The following TPPP2 variants were observed in gnomAD, a reference collection of about 807,000 sequenced individuals.
TPPP2 encodes tubulin polymerization-promoting protein family member 2.
In TPPP2, 8 loss-of-function variants were observed where a neutral mutation model predicts 13.0. That is an observed-to-expected ratio of 0.62 (90% CI 0.36 to 1.11). The LOEUF is 1.11. TPPP2 is among the 50% of genes most tolerant of loss of function. The pLI is 0.02. For missense variants in TPPP2, 213 were observed against 216.9 expected (o/e 0.98, Z 0.11); for synonymous variants, 81 against 81.8 (o/e 0.99, Z 0.05).
downstream of TPPP2, chr14:21,035,973 G>C (rs1217708685): frequency 1.0e-5 from 4 of 388,324 alleles, no homozygotes; most frequent in Non-Finnish European, 2.0e-5. Flanking sequence ...ATCTGTTTAC[G>C]AAACCACTGA....
At chr14:21,031,851 T>C (rs752251134) in intron 3 of TPPP2, 41 bp from the exon 4 acceptor site, 1 of 1,595,784 alleles carries the variant, frequency 6.3e-7, no homozygotes, top group East Asian at 2.2e-5. Flanking sequence ...TATGACAGCG[T>C]AAGGAAAGGA....
downstream of TPPP2, chr14:21,036,336 A>G (rs978343712): frequency 2.3e-6 from 1 of 443,144 alleles, no homozygotes; most frequent in South Asian, 1.6e-5. Flanking sequence ...CTCATAGGGT[A>G]GGGGTGCCCA....
intron 3 of TPPP2, 93 bp from the exon 4 acceptor site, chr14:21,031,799 A>G (rs1253308818): frequency 7.1e-7 from 1 of 1,406,156 alleles, no homozygotes; most frequent in Non-Finnish European, 9.6e-7. Context: ...AAGAGCTCCA[A>G]GCACTTGTTC....
rs1884307953 is a variant in TPPP2 at position 21,032,692 on chromosome 14, C to T, written c.*615C>T. On this transcript the variant is annotated 3_prime_UTR_variant, in exon 4 of 4. Transcript: ENST00000321760. ...CACCTCCATCATGGGGCACATGGGA[C>T]AGAAGAGCTTACTGACTGCTAAGGG... is the stretch of plus-strand genomic sequence containing the variant. 2 of 354,008 alleles carry T rather than the reference C, an allele frequency of 5.6e-6. No individual in the cohort carries two copies. The highest frequency in any genetic ancestry group is 1.1e-5 in the Non-Finnish European group (2 of 182,678). 21.9% of individuals were successfully genotyped at this position (354,008 alleles called of 1,614,324 possible).
upstream of TPPP2, chr14:21,025,319 G>A: frequency 1.0e-6 from 1 of 970,274 alleles, no homozygotes; most frequent in Non-Finnish European, 1.2e-6. This position sits in a 1 kb window ranked among gnomAD's most constrained non-coding sequence, Gnocchi z 5.1. Flanking sequence ...GCATTGGGGC[G>A]GTGTGGGGAG....
At position 21,031,130 on chromosome 14, in the gene TPPP2, A is replaced by G. The variant is rs1315949260; in HGVS notation, c.292A>G (p.Met98Val). Residue 98 changes from methionine (M) to valine (V), a missense_variant, in exon 3 of 4, where the codon ATG becomes GTG. Met to Val is a conservative substitution (Grantham distance 21, BLOSUM62 1). Coordinates refer to ENST00000321760, the MANE Select transcript of TPPP2 (RefSeq NM_173846.5). ...DEVLENIYGL[M>V]EGKDPATTGA... Reference sequence around the variant, plus strand: ...AGTCCTGGAGAACATTTATGGACTCATGGAGGGCAAAGACCCAGCCACCAC... The same window carrying G: ...AGTCCTGGAGAACATTTATGGACTCGTGGAGGGCAAAGACCCAGCCACCAC... 5 of 1,614,032 alleles carry G rather than the reference A, an allele frequency of 3.1e-6. No individual in the cohort carries two copies. Among genetic ancestry groups the G allele is most frequent in the African/African-American group, 1.3e-5 (1 of 74,926 alleles).
chr14:21,024,767 C>T (rs1388262083), intron 1 of TPPP2: 3 of 985,444 alleles, frequency 3.0e-6, no homozygotes, highest in Non-Finnish European at 3.6e-6. Context: ...CGAGTCCCTA[C>T]GCAGCCCGTC....
chr14:21,033,151 G>C (rs1369282240), downstream of TPPP2: 1 of 376,536 alleles, frequency 2.7e-6, no homozygotes, highest in Non-Finnish European at 5.2e-6. Flanking sequence ...TTGGAAAAAG[G>C]AAGGCAGGGT....
upstream of TPPP2, chr14:21,025,650 A>T: frequency 2.0e-6 from 2 of 982,912 alleles, no homozygotes; most frequent in Non-Finnish European, 2.4e-6. The surrounding 1 kb of genome is among the most constrained non-coding windows in gnomAD (Gnocchi z 5.1). Flanking sequence ...AGGAGTTCCG[A>T]CTCCCTCGTG....
chr14:21,033,701 TG>T, downstream of TPPP2: 1 of 775,726 alleles, frequency 1.3e-6, no homozygotes, highest in Non-Finnish European at 2.3e-6. Context: ...CCTGGTCTCT[TG>T]GGAGGGGACC....
At position 21,030,286 on chromosome 14, in the gene TPPP2, A is replaced by T. The variant is rs1437211831; in HGVS notation, c.-88A>T. On this transcript the variant is annotated 5_prime_UTR_variant, in exon 1 of 4. Coordinates refer to ENST00000321760, the MANE Select transcript of TPPP2 (RefSeq NM_173846.5). Reference sequence around the variant, plus strand: ...TACAAAGGCCGGGAAGGGTCAGACCACCATCCGGGTACTCTAAGGTACATA... The same window carrying T: ...TACAAAGGCCGGGAAGGGTCAGACCTCCATCCGGGTACTCTAAGGTACATA... 6 of 351,872 alleles carry T rather than the reference A, an allele frequency of 1.7e-5. No individual in the cohort carries two copies. The highest frequency in any genetic ancestry group is 3.2e-5 in the Non-Finnish European group (6 of 187,312). The allele number at this position is 351,872 out of a possible 1,614,324, so 21.8% of individuals were successfully genotyped here.
rs575811829 is a variant in TPPP2 at position 21,031,919 on chromosome 14, C to T, written c.355C>T (p.Arg119Cys). ...AGCAACAACAGTGGGTGCAGTGGAC[C>T]GTTTGACAGACACCAGCAAGTACAC... ...TKATTVGAVD[R>C]LTDTSKYTGT... The change falls in exon 4 of 4, where the codon CGT becomes TGT. Residue 119 changes from arginine (R) to cysteine (C), a missense_variant. By Grantham distance (180) the Arg-to-Cys change is radical (BLOSUM62 -3). Coordinates refer to ENST00000321760, the MANE Select transcript of TPPP2 (RefSeq NM_173846.5). 1.2e-5 allele frequency: 20 copies of T among 1,614,062 alleles called. No homozygotes were observed. The highest frequency in any genetic ancestry group is 3.3e-5 in the Admixed American group (2 of 60,008).
chr14:21,036,149 C>T (rs1396202790), downstream of TPPP2: 5 of 455,544 alleles, frequency 1.1e-5, no homozygotes, highest in East Asian at 3.5e-4. Context: ...CAATCTTAAA[C>T]TTTTCCCAAG....
chr14:21,026,529 G>A (rs574995533), upstream of TPPP2, among the ~76,000 whole-genome samples: 23 of 50,696 alleles, frequency 4.5e-4, no homozygotes, highest in Non-Finnish European at 7.2e-4. Flanking sequence ...CTCACCACCC[G>A]CAATACCCCT....
intron 1 of TPPP2, 87 bp downstream of exon 1, chr14:21,030,391 T>C (rs1883990110): frequency 5.0e-6 from 3 of 604,980 alleles, no homozygotes; most frequent in South Asian, 2.0e-5. Context: ...GGGAGACTCA[T>C]GCTGTAGTTG....
downstream of TPPP2, chr14:21,033,715 G>T: frequency 1.2e-6 from 1 of 851,226 alleles, no homozygotes; most frequent in Non-Finnish European, 2.0e-6. Context: ...AGGGGACCCT[G>T]CCTGCCTCGT....
downstream of TPPP2, chr14:21,033,675 G>C: frequency 4.5e-6 from 3 of 669,568 alleles, no homozygotes; most frequent in South Asian, 5.1e-5. Flanking sequence ...CAAAGCCCTG[G>C]ACATTTTCGC....
upstream of TPPP2, chr14:21,025,580 C>G: frequency 1.0e-6 from 1 of 985,232 alleles, no homozygotes; most frequent in Non-Finnish European, 1.2e-6. The surrounding 1 kb of genome is among the most constrained non-coding windows in gnomAD (Gnocchi z 5.1). Context: ...GGGGTCTCGC[C>G]GGCTGGCAGG....
chr14:21,035,107 C>A (rs1884533286), downstream of TPPP2, among the ~76,000 whole-genome samples: 1 of 152,252 alleles, frequency 6.6e-6, no homozygotes, highest in Non-Finnish European at 1.5e-5. Context: ...CCCAGGAGGG[C>A]ATGTACTCAG....
Sources: allele counts gnomAD v4.1 joint callset (sites outside exome capture counted in the v4.1 genomes callset), GRCh38; gene constraint gnomAD v4.1.1; non-coding constraint Gnocchi (gnomAD v3.1); transcripts MANE v1.5; gene names NCBI Gene and HGNC (gene_info 2026-07-23, HGNC 2026-07-21).